The following ANKFN1 variants were observed in gnomAD, a reference collection of about 807,000 sequenced individuals.
The protein encoded by ANKFN1 is ankyrin repeat and fibronectin type-III domain-containing protein 1.
Under a neutral mutation model 108.7 loss-of-function variants are expected in ANKFN1, and 74 were observed. The ratio of observed to expected loss-of-function variants is 0.68; its 90% CI spans 0.56 to 0.83. ANKFN1 has a LOEUF of 0.83. ANKFN1 is among the 40% of genes least tolerant of loss of function. ANKFN1 has a pLI of 0.00. For missense variants in ANKFN1, 1,505 were observed against 1,382.3 expected (o/e 1.09, Z -1.41); for synonymous variants, 547 against 516.2 (o/e 1.06, Z -0.81).
At chr17:56,312,445 C>T (rs116302676) in intron 3 of ANKFN1, among the ~76,000 whole-genome samples, 1 of 152,120 alleles carries the variant, frequency 6.6e-6, no homozygotes, top group African/African-American at 2.4e-5. Flanking sequence ...GACCCATTCT[C>T]CCAGTACCTC....
intron 3 of ANKFN1, among the ~76,000 whole-genome samples, chr17:56,249,279 CA>C (rs2043183653): frequency 6.6e-6 from 1 of 151,866 alleles, no homozygotes; most frequent in Admixed American, 6.6e-5. Context: ...ACTAAAAGCA[CA>C]AAAAATAGCC....
At chr17:56,185,519 A>C (rs898664586) in intron 1 of ANKFN1, among the ~76,000 whole-genome samples, 2 of 152,114 alleles carry the variant, frequency 1.3e-5, no homozygotes, top group Non-Finnish European at 2.9e-5. Flanking sequence ...TTGTTCCAAA[A>C]ATGGCCTACA....
At chr17:56,210,685 G>T (rs2143809319) in intron 1 of ANKFN1, among the ~76,000 whole-genome samples, 1 of 152,280 alleles carries the variant, frequency 6.6e-6, no homozygotes, top group South Asian at 2.1e-4. Context: ...ATAAAGAAAA[G>T]AGGTTAATTG....
At position 56,085,002 on chromosome 17, in the gene ANKFN1, A is replaced by G. The variant is rs1050516090; in HGVS notation, c.288+38677A>G. Among the ~76,000 whole-genome samples, 29 of 150,862 alleles carry G rather than the reference A, an allele frequency of 1.9e-4. 1 individual carries two copies. ...AGATTTAATATAATCTAGATGTGTG[A>G]TTTTGGTAGATCACGTCTCCTGGTT... On this transcript the variant is annotated intron_variant, in intron 4 of 12. Transcript: ENST00000635860.
intron 4 of ANKFN1, among the ~76,000 whole-genome samples, chr17:56,137,299 G>A (rs1416730236): frequency 6.6e-6 from 1 of 152,158 alleles, no homozygotes; most frequent in Non-Finnish European, 1.5e-5. Context: ...TCCCTTAGGG[G>A]CCTGGCTCTA....
At position 56,122,853 on chromosome 17, in the gene ANKFN1, G is replaced by T. The variant is rs754365229; in HGVS notation, c.288+76528G>T. Among the ~76,000 whole-genome samples, 7 of 152,304 alleles carry T rather than the reference G, an allele frequency of 4.6e-5. No individual in the cohort carries two copies. In the East Asian group the frequency reaches 1.2e-3, roughly 25 times the overall value. ...GTGTGTAGTTTGGAGGTTACCTGTT[G>T]TTTTTTCAGGGATTATGAGGCACCA... On this transcript the variant is annotated intron_variant, in intron 4 of 12. Coordinates refer to the ANKFN1 transcript ENST00000635860.
chr17:56,114,455 T>C (rs1414734912), intron 4 of ANKFN1, among the ~76,000 whole-genome samples: 1 of 152,212 alleles, frequency 6.6e-6, no homozygotes, highest in Non-Finnish European at 1.5e-5. Context: ...TGAGTGCCTG[T>C]AATGGACTAG....
intron 18 of ANKFN1, among the ~76,000 whole-genome samples, chr17:56,490,934 A>AG (rs916345359): frequency 2.1e-4 from 19 of 90,672 alleles, no homozygotes; most frequent in East Asian, 8.5e-4. Flanking sequence ...TTATCCCCAG[A>AG]GAAAAAAAAG....
chr17:56,406,255 C>A (rs1009974877), intron 8 of ANKFN1, among the ~76,000 whole-genome samples: 1 of 152,070 alleles, frequency 6.6e-6, no homozygotes, highest in Admixed American at 6.5e-5. Context: ...GAAGGGATAG[C>A]GAGAACAAAG....
chr17:56,073,346 A>G (rs569982734), intron 4 of ANKFN1, among the ~76,000 whole-genome samples: 1 of 152,330 alleles, frequency 6.6e-6, no homozygotes, highest in Admixed American at 6.5e-5. Flanking sequence ...AACACATCGA[A>G]ACATTGACTT....
intron 1 of ANKFN1, among the ~76,000 whole-genome samples, chr17:56,171,774 G>A (rs1043266942): frequency 6.6e-6 from 1 of 152,152 alleles, no homozygotes. Flanking sequence ...GCACAGATGA[G>A]AAGATAGAAA....
At chr17:56,418,867 T>C (rs1391838697) in intron 8 of ANKFN1, among the ~76,000 whole-genome samples, 2 of 151,860 alleles carry the variant, frequency 1.3e-5, no homozygotes, top group Non-Finnish European at 2.9e-5. Flanking sequence ...CTTCAGGGGT[T>C]AATGCACCTT....
chr17:56,174,157 TC>T (rs1348544580), intron 1 of ANKFN1: 1 of 984,410 alleles, frequency 1.0e-6, no homozygotes, highest in Non-Finnish European at 1.2e-6. Context: ...CTGCATTCAT[TC>T]TCTGGAGGCT....
At chr17:56,136,628 G>A (rs1907615315) in intron 4 of ANKFN1, among the ~76,000 whole-genome samples, 1 of 152,204 alleles carries the variant, frequency 6.6e-6, no homozygotes, top group Admixed American at 6.5e-5. Context: ...GCAGCACAGT[G>A]TGGGCAGAAG....
intron 8 of ANKFN1, among the ~76,000 whole-genome samples, chr17:56,384,178 G>A (rs930638128): frequency 2.0e-5 from 3 of 151,986 alleles, no homozygotes; most frequent in African/African-American, 2.4e-5. Context: ...CTCAATATAC[G>A]CAAATCAATA....
intron 4 of ANKFN1, among the ~76,000 whole-genome samples, chr17:56,350,178 G>A (rs1432746814): frequency 6.6e-6 from 1 of 152,072 alleles, no homozygotes; most frequent in Non-Finnish European, 1.5e-5. Context: ...TGGACCTATG[G>A]GTACAAATTC....
chr17:56,347,936 G>A (rs1423113636), intron 4 of ANKFN1, among the ~76,000 whole-genome samples: 3 of 152,016 alleles, frequency 2.0e-5, no homozygotes, highest in Non-Finnish European at 2.9e-5. Context: ...CATTGTGGGA[G>A]ATACAAAAGA....
chr17:56,432,960 G>A (rs1218597850), intron 8 of ANKFN1, among the ~76,000 whole-genome samples: 2 of 152,006 alleles, frequency 1.3e-5, no homozygotes, highest in Non-Finnish European at 2.9e-5. Flanking sequence ...GATGGTAAAT[G>A]CTTAACAACT....
At chr17:56,356,089 G>T (rs2046368701) in intron 6 of ANKFN1, among the ~76,000 whole-genome samples, 1 of 152,100 alleles carries the variant, frequency 6.6e-6, no homozygotes, top group African/African-American at 2.4e-5. Flanking sequence ...GTGTTTTGAA[G>T]TAGAGCTGAT....
Sources: gnomAD v4.1 joint callset for allele counts (sites outside exome capture counted in the v4.1 genomes callset) on GRCh38, gnomAD v4.1.1 for gene constraint, MANE v1.5 for transcripts, NCBI Gene and HGNC (gene_info 2026-07-23, HGNC 2026-07-21) for gene names.